Variants in CPB1 observed in about 807,000 individuals in gnomAD.
The protein encoded by CPB1 is carboxypeptidase B.
In CPB1, 53 loss-of-function variants were observed where a neutral mutation model predicts 51.4. The ratio of observed to expected loss-of-function variants is 1.03; its 90% CI spans 0.83 to 1.30. CPB1 has a LOEUF of 1.30. Ranked by LOEUF, CPB1 falls within the 50% of genes most tolerant of loss-of-function variation. The pLI is 0.00. For synonymous variants in CPB1, 189 were observed against 186.9 expected, an observed-to-expected ratio of 1.01 and a Z score of -0.09; for missense variants, 494 against 516.2, an observed-to-expected ratio of 0.96 and a Z score of 0.42.
At position 148,834,596 on chromosome 3, in the gene CPB1, TC is replaced by T; in HGVS notation, c.247del (p.Leu83Ter). The T allele has an allele frequency of 6.2e-7, 1 of 1,611,612 alleles. No individual in the cohort carries two copies. Among genetic ancestry groups the T allele is most frequent in the Non-Finnish European group, 8.5e-7 (1 of 1,177,826 alleles). On this transcript the variant is annotated frameshift_variant, in exon 3 of 11. Coordinates refer to ENST00000282957, the MANE Select transcript of CPB1 (RefSeq NM_001871.3). LOFTEE classifies it high-confidence loss of function. ...AAGATACTGTCACTGTGGAGAATGTTCTAAAGCAGAATGAACTACAATACAA... is the reference window on the plus strand; with the variant it reads ...AAGATACTGTCACTGTGGAGAATGTTTAAAGCAGAATGAACTACAATACAA... ...AEDTVTVENV[L>X]KQNELQYKVL...
chr3:148,843,888 T>C (rs1172513973), intron 6 of CPB1, among the ~76,000 whole-genome samples: 1 of 152,142 alleles, frequency 6.6e-6, no homozygotes, highest in Non-Finnish European at 1.5e-5. Flanking sequence ...GAAACTCCCA[T>C]CACTATGCAG....
intron 6 of CPB1, among the ~76,000 whole-genome samples, chr3:148,843,416 G>A (rs186786026): frequency 1.2e-3 from 185 of 151,958 alleles, no homozygotes; most frequent in African/African-American, 4.1e-3. Flanking sequence ...AAGCACTTCC[G>A]TACATATTTG....
At chr3:148,852,462 G>A (rs1713460587) in intron 9 of CPB1, among the ~76,000 whole-genome samples, 1 of 152,190 alleles carries the variant, frequency 6.6e-6, no homozygotes, top group Non-Finnish European at 1.5e-5. Context: ...AACGTCAAGA[G>A]TGCCAAGGTT....
intron 3 of CPB1, among the ~76,000 whole-genome samples, 159 bp from the exon 4 acceptor site, chr3:148,840,527 A>T (rs1713043684): frequency 6.6e-6 from 1 of 152,190 alleles, no homozygotes; most frequent in African/African-American, 2.4e-5. Flanking sequence ...ATCTCTCTGG[A>T]GCAGCTGAAG....
At chr3:148,858,094 G>A (rs1000401310) in intron 10 of CPB1, among the ~76,000 whole-genome samples, 11 of 152,120 alleles carry the variant, frequency 7.2e-5, no homozygotes, top group African/African-American at 2.2e-4. Flanking sequence ...TAAAGAACTA[G>A]CAGTAGGGAA....
chr3:148,836,409 A>G (rs560186328), intron 3 of CPB1, among the ~76,000 whole-genome samples: 20 of 152,376 alleles, frequency 1.3e-4, no homozygotes, highest in South Asian at 6.2e-4. Flanking sequence ...CTTCAGTAGC[A>G]TTCAAAAAGA....
At chr3:148,834,354 T>C (rs1712828805) in intron 2 of CPB1, 144 bp from the exon 3 acceptor site, 2 of 771,832 alleles carry the variant, frequency 2.6e-6, no homozygotes, top group African/African-American at 1.8e-5. Flanking sequence ...CCAACCCTTG[T>C]TCACTCAAAG....
At chr3:148,850,325 G>A (rs901241946) in intron 9 of CPB1, among the ~76,000 whole-genome samples, 2 of 151,894 alleles carry the variant, frequency 1.3e-5, no homozygotes, top group Non-Finnish European at 2.9e-5. Context: ...TTTTTGAGAC[G>A]GAGTCTCGCT....
rs1712840920 is a variant in CPB1, at chr3:148,834,620, C to T, written c.270C>T (p.Tyr90=). 6 of 1,605,596 alleles carry T rather than the reference C, an allele frequency of 3.7e-6. No homozygotes were observed. The highest frequency in any genetic ancestry group is 4.5e-5 in the East Asian group (2 of 44,662). Residue 90 remains tyrosine, a splice_region_variant and synonymous_variant, in exon 3 of 11, where the codon TAC becomes TAT. Transcript: ENST00000282957. ...ENVLKQNELQ[Y]KVLISNLRNV... is the part of the protein sequence containing the mutation. ...TTCTAAAGCAGAATGAACTACAATA[C>T]AAGTAAGTTTATGTTTTATAAATAT...
intron 2 of CPB1, among the ~76,000 whole-genome samples, chr3:148,830,704 T>C (rs1171484883): frequency 6.6e-6 from 1 of 152,146 alleles, no homozygotes; most frequent in East Asian, 1.9e-4. Context: ...TGAAAAAATC[T>C]TTACTTATCC....
chr3:148,844,439 C>T (rs758976092), intron 6 of CPB1, 39 bp from the exon 7 acceptor site: 4 of 1,489,168 alleles, frequency 2.7e-6, no homozygotes, highest in Admixed American at 1.7e-5. Context: ...ATCATAATTC[C>T]ATTTTTCCAT....
intron 4 of CPB1, 43 bp from the exon 5 acceptor site, chr3:148,840,831 A>G: frequency 6.2e-7 from 1 of 1,613,698 alleles, no homozygotes; most frequent in Non-Finnish European, 8.5e-7. Flanking sequence ...TGGGAATTGA[A>G]CCAAGAATGC....
At chr3:148,828,208 A>G (rs16861010) in intron 2 of CPB1, 131 bp downstream of exon 2, 32,512 of 728,456 alleles carry the variant, frequency 0.045, 1,675 homozygotes, top group African/African-American at 0.21. Flanking sequence ...AACTTGGAAA[A>G]CATTTAGTGC....
intron 2 of CPB1, 33 bp downstream of exon 2, chr3:148,828,110 A>G (rs773883200): frequency 1.3e-6 from 2 of 1,542,208 alleles, no homozygotes; most frequent in Non-Finnish European, 1.8e-6. Flanking sequence ...TTCACATCTA[A>G]TTTAAAATCT....
At chr3:148,843,589 C>A (rs1050117539) in intron 6 of CPB1, among the ~76,000 whole-genome samples, 1 of 151,918 alleles carries the variant, frequency 6.6e-6, no homozygotes, top group Non-Finnish European at 1.5e-5. Flanking sequence ...TTGCATAGCT[C>A]CTCCAACCCA....
chr3:148,830,398 C>T (rs970695302), intron 2 of CPB1, among the ~76,000 whole-genome samples: 1 of 152,102 alleles, frequency 6.6e-6, no homozygotes. Context: ...AGCCTTTCTA[C>T]TTGTTAGTCA....
chr3:148,840,598 C>A (rs1298699510), intron 3 of CPB1, 88 bp from the exon 4 acceptor site: 10 of 1,097,458 alleles, frequency 9.1e-6, no homozygotes, highest in Non-Finnish European at 1.4e-5. Flanking sequence ...GTGCCATCTA[C>A]TAAAGCAGTG....
intron 8 of CPB1, among the ~76,000 whole-genome samples, 189 bp from the exon 9 acceptor site, chr3:148,845,234 TA>T (rs1713199152): frequency 6.6e-6 from 1 of 152,152 alleles, no homozygotes; most frequent in Non-Finnish European, 1.5e-5. Context: ...CAGGTTAGCT[TA>T]AAAACATACC....
At chr3:148,847,565 C>T (rs1412772337) in intron 9 of CPB1, among the ~76,000 whole-genome samples, 1 of 151,994 alleles carries the variant, frequency 6.6e-6, no homozygotes, top group Non-Finnish European at 1.5e-5. Flanking sequence ...CACTGATACT[C>T]TTCCCTAAGA....
Sources: allele counts gnomAD v4.1 joint callset (sites outside exome capture counted in the v4.1 genomes callset), GRCh38; gene constraint gnomAD v4.1.1; transcripts MANE v1.5; gene names NCBI Gene and HGNC (gene_info 2026-07-23, HGNC 2026-07-21).